ELMO1: variants seen among roughly 807,000 people sequenced by gnomAD.
ELMO1 encodes engulfment and cell motility 1.
A neutral mutation model predicts 98.9 loss-of-function variants in ELMO1; 26 were observed. That is an observed-to-expected ratio of 0.26 (90% CI 0.19 to 0.36). The LOEUF is 0.36. Ranked by LOEUF, ELMO1 falls within the 10% of genes least tolerant of loss-of-function variation. ELMO1 has a pLI of 1.00. For synonymous variants in ELMO1, 346 were observed against 346.0 expected, an observed-to-expected ratio of 1.00 and a Z score of 0.00; for missense variants, 627 against 935.2, an observed-to-expected ratio of 0.67 and a Z score of 4.30.
intron 4 of ELMO1, among the ~76,000 whole-genome samples, chr7:37,308,168 C>T (rs929020588): frequency 2.6e-5 from 4 of 152,158 alleles, no homozygotes; most frequent in Admixed American, 1.3e-4. Flanking sequence ...TTCTTTTCCT[C>T]TCCATTCAAC....
At chr7:37,190,625 G>A (rs890796553) in intron 13 of ELMO1, among the ~76,000 whole-genome samples, 2 of 152,056 alleles carry the variant, frequency 1.3e-5, no homozygotes, top group Non-Finnish European at 2.9e-5. Flanking sequence ...AGCCTCTCGA[G>A]TAGCTGGGAT....
chr7:37,241,259 C>A (rs540761967), intron 7 of ELMO1, among the ~76,000 whole-genome samples: 2 of 152,048 alleles, frequency 1.3e-5, no homozygotes, highest in Non-Finnish European at 2.9e-5. Flanking sequence ...TACTAATTAT[C>A]CCTCTTTAAC....
At chr7:37,294,355 T>A (rs1399794772) in intron 4 of ELMO1, among the ~76,000 whole-genome samples, 4 of 142,832 alleles carry the variant, frequency 2.8e-5, no homozygotes, top group African/African-American at 7.9e-5. Flanking sequence ...AGAAGCCATT[T>A]AAAAAAAAAA....
At chr7:37,097,290 C>T (rs1229189495) in intron 14 of ELMO1, among the ~76,000 whole-genome samples, 2 of 152,220 alleles carry the variant, frequency 1.3e-5, no homozygotes, top group Non-Finnish European at 2.9e-5. Flanking sequence ...GTAATCCCAG[C>T]ACTGCGGGAG....
At position 37,393,471 on chromosome 7, in the gene ELMO1, A is replaced by T. The variant is rs80317177; in HGVS notation, c.-73-50708T>A. 1.6e-3 allele frequency among the ~76,000 whole-genome samples: 242 copies of T among 152,262 alleles called. 2 individuals are homozygous for T. The East Asian group carries it at 0.019, about 12-fold the overall frequency. ...AATAGTACTTTATAGTACATTATTT[A>T]AAAAAAATCCAATTCAGAATCACAC... is the stretch of plus-strand genomic sequence containing the variant. On this transcript the variant is annotated intron_variant, in intron 1 of 21. Transcript: ENST00000310758.
At chr7:36,964,891 TTAAAA>T (rs1439134943) in intron 16 of ELMO1, among the ~76,000 whole-genome samples, 1 of 152,130 alleles carries the variant, frequency 6.6e-6, no homozygotes, top group Admixed American at 6.5e-5. Context: ...AAAAGCAAAC[TTAAAA>T]TGAAAAATAC....
At chr7:37,297,445 A>G (rs1798091980) in intron 4 of ELMO1, among the ~76,000 whole-genome samples, 1 of 152,210 alleles carries the variant, frequency 6.6e-6, no homozygotes, top group African/African-American at 2.4e-5. Context: ...ATAACTCATG[A>G]AAGTGCCTGG....
chr7:36,956,777 A>C (rs1788487267), intron 16 of ELMO1, among the ~76,000 whole-genome samples: 1 of 152,108 alleles, frequency 6.6e-6, no homozygotes, highest in Admixed American at 6.5e-5. Flanking sequence ...AAATGGGAAG[A>C]GTGAGAAAGT....
chr7:37,360,425 T>A (rs2700977), intron 1 of ELMO1, among the ~76,000 whole-genome samples: 68,871 of 125,424 alleles, frequency 0.55, 16,345 homozygotes, highest in Non-Finnish European at 0.58. Context: ...ACTGAAATTT[T>A]AAAAAAAAAA....
chr7:37,198,937 G>T (rs540495401), intron 13 of ELMO1, among the ~76,000 whole-genome samples: 1 of 152,342 alleles, frequency 6.6e-6, no homozygotes, highest in South Asian at 2.1e-4. Context: ...CCACTTAGAA[G>T]AGTCCCCACT....
At chr7:37,026,161 T>C (rs1794564192) in intron 15 of ELMO1, among the ~76,000 whole-genome samples, 1 of 152,124 alleles carries the variant, frequency 6.6e-6, no homozygotes, top group Non-Finnish European at 1.5e-5. Context: ...TTACTGTGGA[T>C]ATAAGTAATT....
At position 36,870,244 on chromosome 7, in the gene ELMO1, T is replaced by C. The variant is rs979081450; in HGVS notation, c.1905+149A>G. The C allele has an allele frequency of 1.8e-5, 11 of 626,888 alleles. No homozygotes were observed. Among genetic ancestry groups the C allele is most frequent in the Non-Finnish European group, 2.8e-5 (10 of 361,780 alleles). 38.8% of individuals were successfully genotyped at this position (626,888 alleles called of 1,614,324 possible). On this transcript the variant is annotated intron_variant, in intron 20 of 21. Coordinates refer to ENST00000310758, the MANE Select transcript of ELMO1 (RefSeq NM_014800.11). The surrounding 1 kb of genome is among the most constrained non-coding windows in gnomAD (Gnocchi z 4.4). Reference sequence around the variant, plus strand: ...ATAAGGGTAAGAGACGTAAAAGGAATCGGGACAGGAAACAGGAGAGCTGAA... The same window carrying C: ...ATAAGGGTAAGAGACGTAAAAGGAACCGGGACAGGAAACAGGAGAGCTGAA...
intron 15 of ELMO1, among the ~76,000 whole-genome samples, chr7:37,039,093 T>C (rs13243711): frequency 0.13 from 19,603 of 152,106 alleles, 1,675 homozygotes; most frequent in African/African-American, 0.25. Flanking sequence ...TTAGAAAAAG[T>C]TTTATGAAGT....
chr7:36,909,529 TGC>T (rs1784199908), intron 16 of ELMO1, among the ~76,000 whole-genome samples: 1 of 152,262 alleles, frequency 6.6e-6, no homozygotes, highest in Non-Finnish European at 1.5e-5. Context: ...AAAGGGGACA[TGC>T]GCCATTGAAC....
At chr7:36,907,861 A>C (rs1189778004) in intron 16 of ELMO1, among the ~76,000 whole-genome samples, 4 of 152,108 alleles carry the variant, frequency 2.6e-5, no homozygotes, top group Admixed American at 6.6e-5. Flanking sequence ...AGCCACCACC[A>C]ATCCGCTAAA....
At chr7:37,375,534 A>C in intron 1 of ELMO1, 1 of 1,004,244 alleles carries the variant, frequency 1.0e-6, no homozygotes, top group South Asian at 1.3e-5. Flanking sequence ...GTTGATGCCT[A>C]AGAAGAACCA....
intron 18 of ELMO1, among the ~76,000 whole-genome samples, chr7:36,878,917 A>T (rs1354741195): frequency 6.6e-6 from 1 of 152,208 alleles, no homozygotes; most frequent in East Asian, 1.9e-4. Context: ...TTGAACTGTG[A>T]CAGCAATGCT....
rs141772130 is a variant in ELMO1 at position 36,940,428 on chromosome 7, G to A, written c.1438-45411C>T. ...AAGCTCCTCTGAGGCTGCCCTTTTG[G>A]GTTGCAGGTATTTGTATATTCTTTA... On this transcript the variant is annotated intron_variant, in intron 16 of 21. Transcript: ENST00000310758. Among the ~76,000 whole-genome samples, 333 of 152,310 alleles carry A rather than the reference G, an allele frequency of 2.2e-3. 4 individuals carry two copies. The highest frequency in any genetic ancestry group is 4.4e-3 in the Admixed American group (67 of 15,302).
Position 37,165,418 on chromosome 7 carries a change from T to C in ELMO1, c.1087-32184A>G, listed in dbSNP as rs552548646. ...GAGGGCATCCCTGTCTTGTGCCAGT[T>C]TTCAAAGGGAATGCTTCCAGTTTTT... On this transcript the variant is annotated intron_variant, in intron 13 of 21. Transcript: ENST00000310758. 2.2e-3 allele frequency among the ~76,000 whole-genome samples: 338 copies of C among 152,132 alleles called. 3 individuals are homozygous for C. The highest frequency in any genetic ancestry group is 7.8e-3 in the African/African-American group (322 of 41,520).
Sources: gnomAD v4.1 joint callset for allele counts (sites outside exome capture counted in the v4.1 genomes callset) on GRCh38, gnomAD v4.1.1 for gene constraint, Gnocchi (gnomAD v3.1) non-coding constraint, MANE v1.5 for transcripts, NCBI Gene and HGNC (gene_info 2026-07-23, HGNC 2026-07-21) for gene names.